The following EXOC6B variants were observed in gnomAD, a reference collection of about 807,000 sequenced individuals.
EXOC6B encodes exocyst complex component 6B, also known as SEC15 homolog B.
EXOC6B carries 54 observed loss-of-function variants against 113.5 expected under a neutral mutation model. The observed-to-expected ratio is 0.48, with a 90% CI of 0.38 to 0.60. The LOEUF is 0.60. EXOC6B is among the 20% of genes least tolerant of loss of function. EXOC6B has a pLI of 0.00. For missense variants in EXOC6B, 797 were observed against 977.5 expected, an observed-to-expected ratio of 0.82 and a Z score of 2.46; for synonymous variants, 357 against 339.0, an observed-to-expected ratio of 1.05 and a Z score of -0.58.
intron 20 of EXOC6B, among the ~76,000 whole-genome samples, chr2:72,229,360 G>T (rs779050587): frequency 6.6e-6 from 1 of 152,168 alleles, no homozygotes; most frequent in Admixed American, 6.5e-5. Flanking sequence ...AGAAGCAGGC[G>T]GAGATTAGGA....
chr2:72,513,031 G>A, intron 11 of EXOC6B, 101 bp downstream of exon 11: 1 of 1,343,290 alleles, frequency 7.4e-7, no homozygotes, highest in Non-Finnish European at 1.0e-6. Context: ...CTCCAAGTGA[G>A]TGATTCCAAA....
chr2:72,348,070 G>A (rs1689436612), intron 19 of EXOC6B, among the ~76,000 whole-genome samples: 1 of 152,124 alleles, frequency 6.6e-6, no homozygotes, highest in South Asian at 2.1e-4. Context: ...TCATTTCTGG[G>A]ATGGGAACTC....
At chr2:72,672,620 C>T (rs1675984822) in intron 6 of EXOC6B, among the ~76,000 whole-genome samples, 1 of 151,610 alleles carries the variant, frequency 6.6e-6, no homozygotes, top group African/African-American at 2.4e-5. Context: ...TGGAATACTA[C>T]TCATCCATAA....
intron 1 of EXOC6B, among the ~76,000 whole-genome samples, chr2:72,745,858 G>T (rs1681662501): frequency 6.6e-6 from 1 of 152,032 alleles, no homozygotes; most frequent in South Asian, 2.1e-4. Flanking sequence ...CACTGAAAAG[G>T]TCAGAAATTT....
At chr2:72,504,086 T>G (rs573907286) in intron 11 of EXOC6B, among the ~76,000 whole-genome samples, 129 of 152,218 alleles carry the variant, frequency 8.5e-4, no homozygotes, top group African/African-American at 3.0e-3. Flanking sequence ...TTTTTAATTT[T>G]TTTTGTAGAT....
At chr2:72,496,916 TTC>T (rs890022123) in intron 13 of EXOC6B, among the ~76,000 whole-genome samples, 5 of 149,566 alleles carry the variant, frequency 3.3e-5, no homozygotes, top group African/African-American at 1.2e-4. Context: ...CAAAGATATT[TTC>T]TGTTTGGTTT....
chr2:72,727,628 T>A (rs547085296), intron 5 of EXOC6B, among the ~76,000 whole-genome samples: 1 of 152,208 alleles, frequency 6.6e-6, no homozygotes, highest in Non-Finnish European at 1.5e-5. Context: ...AATGTCTTTA[T>A]CTGTAGGAAC....
At chr2:72,418,404 G>A (rs1479759150) in intron 18 of EXOC6B, among the ~76,000 whole-genome samples, 1 of 152,116 alleles carries the variant, frequency 6.6e-6, no homozygotes, top group African/African-American at 2.4e-5. Context: ...AGTATTGAGA[G>A]GAAAAGTATT....
chr2:72,419,103 C>T (rs898234996), intron 18 of EXOC6B, among the ~76,000 whole-genome samples: 24 of 149,390 alleles, frequency 1.6e-4, no homozygotes, highest in Admixed American at 1.1e-3. Flanking sequence ...CTTTATAGCT[C>T]GATCTCCACC....
intron 18 of EXOC6B, among the ~76,000 whole-genome samples, chr2:72,398,876 G>A (rs1692940141): frequency 6.6e-6 from 1 of 151,288 alleles, no homozygotes; most frequent in South Asian, 2.1e-4. Context: ...GAAACTCTTT[G>A]GTATCTAGAG....
chr2:72,372,499 C>T (rs1364329192), intron 19 of EXOC6B, among the ~76,000 whole-genome samples: 1 of 152,050 alleles, frequency 6.6e-6, no homozygotes, highest in African/African-American at 2.4e-5. Context: ...GAATAGAGAA[C>T]CCAGAAAAGA....
intron 6 of EXOC6B, among the ~76,000 whole-genome samples, chr2:72,646,532 C>G (rs963249251): frequency 2.6e-5 from 4 of 152,186 alleles, no homozygotes; most frequent in African/African-American, 9.7e-5. Flanking sequence ...CCCTGATGAA[C>G]ATCGATGCGA....
rs369623161 is a variant in EXOC6B at position 72,511,671 on chromosome 2, A to C, written c.1167+1461T>G. Among the ~76,000 whole-genome samples the C allele has an allele frequency of 2.0e-5, 3 of 152,260 alleles. No individual in the cohort carries two copies. The East Asian group carries it at 5.8e-4, about 29-fold the overall frequency. On this transcript the variant is annotated intron_variant, in intron 11 of 21. Coordinates refer to ENST00000272427, the MANE Select transcript of EXOC6B (RefSeq NM_015189.3). ...CACCTTGAACACATCTATACGTAACACATTCCATTCAGCCCACTGTTTAAA... is the reference window on the plus strand; with the variant it reads ...CACCTTGAACACATCTATACGTAACCCATTCCATTCAGCCCACTGTTTAAA...
intron 6 of EXOC6B, among the ~76,000 whole-genome samples, chr2:72,577,492 A>G (rs1042905672): frequency 3.3e-5 from 5 of 151,934 alleles, no homozygotes; most frequent in African/African-American, 1.2e-4. Context: ...GCAAAACCAA[A>G]CGATTTCATA....
At chr2:72,668,120 C>A (rs184451028) in intron 6 of EXOC6B, among the ~76,000 whole-genome samples, 100 of 152,256 alleles carry the variant, frequency 6.6e-4, no homozygotes, top group African/African-American at 2.3e-3. Context: ...ACAATGGTCA[C>A]CACCACTAAT....
chr2:72,674,603 G>A (rs552496242), intron 6 of EXOC6B, among the ~76,000 whole-genome samples: 12 of 151,948 alleles, frequency 7.9e-5, no homozygotes, highest in South Asian at 6.3e-4. Flanking sequence ...AGGCCGAGGC[G>A]GGCGGATCAC....
chr2:72,467,002 T>C (rs143592483), intron 17 of EXOC6B, among the ~76,000 whole-genome samples: 1 of 152,296 alleles, frequency 6.6e-6, no homozygotes, highest in East Asian at 1.9e-4. Flanking sequence ...CCCAGCCATA[T>C]TCCCCAGCTC....
chr2:72,618,980 G>A lies in EXOC6B; in HGVS notation c.670-43312C>T, dbSNP rs536791066. Among the ~76,000 whole-genome samples, 7 of 152,234 alleles carry A rather than the reference G, an allele frequency of 4.6e-5. No homozygotes were observed. In the South Asian group the frequency reaches 1.5e-3, roughly 32 times the overall value. ...AGGAATTAGCATGTGACTTAATCTA[G>A]GCCAACCGAGTAAAATAGTGTTGCT... On this transcript the variant is annotated intron_variant, in intron 6 of 21. Transcript: ENST00000272427.
In EXOC6B at chr2:72,391,509, G is replaced by T. The variant is rs560631439; in HGVS notation, c.1981-11639C>A. ...GGCAATCTGACCATTATGTGCCTAG[G>T]TATAGTTTTCTTTAAGTTTATCCTG... On this transcript the variant is annotated intron_variant, in intron 18 of 21. Transcript: ENST00000272427. Among the ~76,000 whole-genome samples, 6 of 152,212 alleles carry T rather than the reference G, an allele frequency of 3.9e-5. 1 individual carries two copies. The East Asian group carries it at 1.2e-3, about 29-fold the overall frequency.
Sources: allele counts gnomAD v4.1 joint callset (sites outside exome capture counted in the v4.1 genomes callset), GRCh38; gene constraint gnomAD v4.1.1; transcripts MANE v1.5; gene names NCBI Gene and HGNC (gene_info 2026-07-23, HGNC 2026-07-21).